AGMO: variants seen among roughly 807,000 people sequenced by gnomAD.
AGMO encodes the protein alkylglycerol monooxygenase.
Under a neutral mutation model 60.2 loss-of-function variants are expected in AGMO, and 75 were observed. The ratio of observed to expected loss-of-function variants is 1.25; its 90% CI spans 1.03 to 1.51. The LOEUF (loss-of-function observed/expected upper bound fraction) is 1.51. Among genes scored for constraint, AGMO ranks in the 40% most tolerant of loss-of-function variants. The pLI is 0.00. For synonymous variants in AGMO, 261 were observed against 177.1 expected (o/e 1.47, Z -3.76); for missense variants, 763 against 525.5 (o/e 1.45, Z -4.42).
At chr7:15,415,789 T>C (rs1250342908) in intron 5 of AGMO, among the ~76,000 whole-genome samples, 1 of 152,106 alleles carries the variant, frequency 6.6e-6, no homozygotes. Flanking sequence ...CCTTCCACAG[T>C]TTTAAGTTAA....
intron 12 of AGMO, among the ~76,000 whole-genome samples, chr7:15,350,184 G>A (rs1782189469): frequency 6.6e-6 from 1 of 152,058 alleles, no homozygotes; most frequent in Non-Finnish European, 1.5e-5. Context: ...ACTTGTTCAA[G>A]GATAGACCAA....
intron 12 of AGMO, among the ~76,000 whole-genome samples, chr7:15,291,518 G>A (rs1025657025): frequency 6.6e-6 from 1 of 151,988 alleles, no homozygotes; most frequent in Non-Finnish European, 1.5e-5. Flanking sequence ...ATATTAAGGA[G>A]AAAGAAACTC....
intron 12 of AGMO, among the ~76,000 whole-genome samples, chr7:15,254,656 G>A (rs1001521431): frequency 1.3e-5 from 2 of 151,480 alleles, no homozygotes; most frequent in African/African-American, 2.4e-5. Context: ...AAAAATCAGA[G>A]CAAAAATAAC....
At chr7:15,324,000 T>C (rs1781261058) in intron 12 of AGMO, among the ~76,000 whole-genome samples, 1 of 152,224 alleles carries the variant, frequency 6.6e-6, no homozygotes, top group Non-Finnish European at 1.5e-5. Flanking sequence ...TCTTTAAAAC[T>C]GTAATTTGTA....
At chr7:15,330,052 G>C (rs569120255) in intron 12 of AGMO, among the ~76,000 whole-genome samples, 2 of 123,584 alleles carry the variant, frequency 1.6e-5, no homozygotes, top group South Asian at 2.6e-4. Flanking sequence ...CTAAAATATA[G>C]AATTATTTTC....
At chr7:15,371,649 C>T (rs188378617) in intron 10 of AGMO, among the ~76,000 whole-genome samples, 24 of 152,308 alleles carry the variant, frequency 1.6e-4, no homozygotes, top group African/African-American at 4.6e-4. Context: ...CTGCCTGCCC[C>T]TGCCTCCTAA....
chr7:15,169,428 CT>C, the AGMO span, among the ~76,000 whole-genome samples: 1 of 151,704 alleles, frequency 6.6e-6, no homozygotes, highest in African/African-American at 2.4e-5. Context: ...GTGTCTTTTT[CT>C]TTTTTTTCTT....
chr7:15,234,887 G>C (rs751680234), intron 12 of AGMO, among the ~76,000 whole-genome samples: 1 of 152,054 alleles, frequency 6.6e-6, no homozygotes, highest in Non-Finnish European at 1.5e-5. Context: ...AAAAACAAAA[G>C]ACATGCTACA....
chr7:15,492,039 G>A (rs1783079450), intron 3 of AGMO, among the ~76,000 whole-genome samples: 2 of 152,132 alleles, frequency 1.3e-5, no homozygotes, highest in Admixed American at 6.6e-5. Context: ...CTTGCATTGT[G>A]GCAACACCAA....
chr7:15,518,857 T>TA (rs1783898786), intron 3 of AGMO, among the ~76,000 whole-genome samples: 1 of 151,496 alleles, frequency 6.6e-6, no homozygotes, highest in Admixed American at 6.6e-5. Flanking sequence ...AGGTGGGTAA[T>TA]AAAAAACTCC....
rs1781718087 is a variant in AGMO, at chr7:15,338,007, G to C, written c.1263+27507C>G. Among the ~76,000 whole-genome samples, 4 of 152,130 alleles carry C rather than the reference G, an allele frequency of 2.6e-5. 1 individual carries two copies. In the South Asian group the frequency reaches 8.3e-4, roughly 31 times the overall value. ...GACTTTGGACAGCTCCAGGGAAGAT[G>C]TGACCAAAACTTTATCTCAGGTGGA... On this transcript the variant is annotated intron_variant, in intron 12 of 12. Transcript: ENST00000342526.
intron 12 of AGMO, among the ~76,000 whole-genome samples, chr7:15,243,989 G>A (rs1052202755): frequency 6.6e-6 from 1 of 152,070 alleles, no homozygotes; most frequent in Non-Finnish European, 1.5e-5. Context: ...CAAACAACCT[G>A]TCATCCTTGA....
At chr7:15,400,639 C>T (rs1784527547) in intron 5 of AGMO, among the ~76,000 whole-genome samples, 1 of 151,988 alleles carries the variant, frequency 6.6e-6, no homozygotes, top group Admixed American at 6.6e-5. Context: ...AGTTTGAAGC[C>T]AGGAATGAAA....
chr7:15,376,941 CTT>C (rs56902515), intron 10 of AGMO, among the ~76,000 whole-genome samples: 3,440 of 152,090 alleles, frequency 0.023, 158 homozygotes, highest in African/African-American at 0.079. Context: ...AAATTGCTCT[CTT>C]GACTCCCAAA....
intron 12 of AGMO, among the ~76,000 whole-genome samples, chr7:15,241,669 A>C (rs914494985): frequency 3.3e-5 from 5 of 152,012 alleles, no homozygotes; most frequent in Non-Finnish European, 1.5e-5. Flanking sequence ...TTATCTCTTG[A>C]CTGTGAGTTT....
chr7:15,397,113 A>C (rs912045212), intron 5 of AGMO, among the ~76,000 whole-genome samples: 3 of 152,134 alleles, frequency 2.0e-5, no homozygotes, highest in Non-Finnish European at 2.9e-5. Context: ...ACTTTGCGGT[A>C]CCTATCCTGG....
intron 5 of AGMO, among the ~76,000 whole-genome samples, chr7:15,394,663 G>A (rs1224514514): frequency 6.6e-6 from 1 of 152,054 alleles, no homozygotes; most frequent in Non-Finnish European, 1.5e-5. Flanking sequence ...ACGGGAGCAG[G>A]GTATAACTAG....
At chr7:15,539,591 G>A (rs1784568997) in intron 3 of AGMO, among the ~76,000 whole-genome samples, 1 of 152,124 alleles carries the variant, frequency 6.6e-6, no homozygotes, top group Non-Finnish European at 1.5e-5. Flanking sequence ...GAATAGTGCT[G>A]CATTGAACAT....
chr7:15,553,714 A>G (rs957854465), intron 2 of AGMO, among the ~76,000 whole-genome samples: 7 of 152,144 alleles, frequency 4.6e-5, no homozygotes, highest in African/African-American at 1.7e-4. Flanking sequence ...GTAAAAAAAT[A>G]CATAAATAAA....
Sources: gnomAD v4.1 joint callset for allele counts (sites outside exome capture counted in the v4.1 genomes callset) on GRCh38, gnomAD v4.1.1 for gene constraint, MANE v1.5 for transcripts, NCBI Gene and HGNC (gene_info 2026-07-23, HGNC 2026-07-21) for gene names.